Variants in PXK observed in about 807,000 individuals in gnomAD.
PXK encodes PX domain containing serine/threonine kinase like.
A neutral mutation model predicts 84.7 loss-of-function variants in PXK; 35 were observed. That is an observed-to-expected ratio of 0.41 (90% CI 0.32 to 0.55). The LOEUF is 0.55. PXK is among the 20% of genes least tolerant of loss of function. The probability of loss-of-function intolerance (pLI) is 0.21; values close to 1 mark genes in which losing one functional copy is unlikely to be tolerated. For missense variants in PXK, 634 were observed against 699.7 expected (o/e 0.91, Z 1.06); for synonymous variants, 253 against 260.8 (o/e 0.97, Z 0.29).
In PXK at chr3:58,405,678, C is replaced by CAA. The variant is rs58141128; in HGVS notation, c.1230+1781_1230+1782dup. Among the ~76,000 whole-genome samples the CAA allele has an allele frequency of 9.0e-3, 894 of 99,880 alleles. 14 individuals carry two copies. The highest frequency in any genetic ancestry group is 0.033 in the African/African-American group (723 of 22,130). The allele number at this position is 99,880 out of a possible 152,430, so 65.5% of individuals were successfully genotyped here. A position where few individuals can be genotyped will look rare whatever the true frequency, so the allele number is the denominator to read the frequency against. On this transcript the variant is annotated intron_variant, in intron 13 of 17. Transcript: ENST00000356151. ...TGGGCGACAGAGTGAGACTCTGTCT[C>CAA]AAAAAAAAAAAAAAGGAGAAATGAT...
chr3:58,378,538 G>T lies in PXK; in HGVS notation c.202-3976G>T, dbSNP rs868754251. ...TGTGTGTGTGTGTGTGTGTGTGTGT[G>T]TGTGTGTGTGTGTGTGACGAAGTTT... On this transcript the variant is annotated intron_variant, in intron 3 of 17. Transcript: ENST00000356151. Among the ~76,000 whole-genome samples the T allele has an allele frequency of 5.2e-4, 47 of 90,874 alleles. 1 individual carries two copies. The highest frequency in any genetic ancestry group is 1.5e-3 in the African/African-American group (38 of 25,902). 59.6% of individuals were successfully genotyped at this position (90,874 alleles called of 152,430 possible).
Position 58,414,584 on chromosome 3 carries a change from G to T in PXK, c.1528+1621G>T, listed in dbSNP as rs544361074. On this transcript the variant is annotated intron_variant, in intron 17 of 17. Transcript: ENST00000356151. The surrounding 1 kb of genome is among the most constrained non-coding windows in gnomAD (Gnocchi z 4.5). ...GGAAAACTTGGAGGTGAGTGGGAGGGGCATTCCTGTGAATTTGATAGCACC... is the reference window on the plus strand; with the variant it reads ...GGAAAACTTGGAGGTGAGTGGGAGGTGCATTCCTGTGAATTTGATAGCACC... The T allele has an allele frequency of 1.3e-5, 2 of 151,392 alleles. No homozygotes were observed. The highest frequency in any genetic ancestry group is 4.8e-5 in the African/African-American group (2 of 41,324). 9.4% of individuals were successfully genotyped at this position (151,392 alleles called of 1,614,324 possible).
At chr3:58,334,957 GTC>G (rs1284564020) in intron 1 of PXK, among the ~76,000 whole-genome samples, 1,349 of 119,412 alleles carry the variant, frequency 0.011, 12 homozygotes, top group Middle Eastern at 0.051. Context: ...GTGTGTGTGT[GTC>G]TGTGTGTGTG....
chr3:58,369,631 C>G (rs1048773652), intron 3 of PXK, among the ~76,000 whole-genome samples, 153 bp downstream of exon 3: 5 of 152,074 alleles, frequency 3.3e-5, no homozygotes, highest in African/African-American at 1.2e-4. Flanking sequence ...TTCAAGACCA[C>G]CTGACCAACA....
chr3:58,408,041 T>C (rs957859116), intron 13 of PXK, among the ~76,000 whole-genome samples: 1 of 152,208 alleles, frequency 6.6e-6, no homozygotes, highest in Non-Finnish European at 1.5e-5. Context: ...TTGAGTTAAT[T>C]TTTGTTTATG....
chr3:58,362,884 A>AT (rs1057030742), intron 1 of PXK, among the ~76,000 whole-genome samples: 3 of 151,882 alleles, frequency 2.0e-5, no homozygotes, highest in African/African-American at 7.3e-5. Context: ...CGGCTAATTA[A>AT]TTTTTTTATA....
chr3:58,363,805 G>A (rs2098228106), intron 1 of PXK, among the ~76,000 whole-genome samples: 1 of 152,150 alleles, frequency 6.6e-6, no homozygotes, highest in Admixed American at 6.5e-5. Context: ...AGAACACACT[G>A]CCTTGCCTTG....
chr3:58,346,255 A>G (rs1490929408), intron 1 of PXK, among the ~76,000 whole-genome samples: 1 of 152,176 alleles, frequency 6.6e-6, no homozygotes, highest in Non-Finnish European at 1.5e-5. Context: ...TGTGGCTCAT[A>G]AAAGTGGCAT....
intron 1 of PXK, among the ~76,000 whole-genome samples, chr3:58,336,774 G>C (rs1188362830): frequency 6.6e-6 from 1 of 152,160 alleles, no homozygotes; most frequent in Non-Finnish European, 1.5e-5. Flanking sequence ...TTTGCTGGTG[G>C]GTAGGCTGTG....
chr3:58,375,190 A>T (rs901763472), intron 3 of PXK, among the ~76,000 whole-genome samples: 3 of 152,204 alleles, frequency 2.0e-5, no homozygotes, highest in Non-Finnish European at 4.4e-5. Flanking sequence ...ATGATGTCAG[A>T]TGTGACTCCT....
chr3:58,334,282 T>C (rs1022760570), intron 1 of PXK, among the ~76,000 whole-genome samples: 4 of 152,156 alleles, frequency 2.6e-5, no homozygotes, highest in Non-Finnish European at 5.9e-5. Flanking sequence ...GTTAAGAAAA[T>C]TATTATCTTT....
chr3:58,366,942 G>A (rs1413586428), intron 2 of PXK, among the ~76,000 whole-genome samples: 1 of 152,062 alleles, frequency 6.6e-6, no homozygotes, highest in Non-Finnish European at 1.5e-5. Context: ...CTCTTATCAG[G>A]GATGACCTTA....
chr3:58,409,759 T>G lies in PXK; in HGVS notation c.1395+141T>G. 1 of 657,048 alleles carries G rather than the reference T, an allele frequency of 1.5e-6. No homozygotes were observed. Among genetic ancestry groups the G allele is most frequent in the Non-Finnish European group, 2.4e-6 (1 of 423,832 alleles). 40.7% of individuals were successfully genotyped at this position (657,048 alleles called of 1,614,324 possible). A position where few individuals can be genotyped will look rare whatever the true frequency, so the allele number is the denominator to read the frequency against. ...TAAGACTATTTCCAGATGACTGGGGTGCAGTTTTTTTGGGGAAAAAAAAAG... is the reference window on the plus strand; with the variant it reads ...TAAGACTATTTCCAGATGACTGGGGGGCAGTTTTTTTGGGGAAAAAAAAAG... On this transcript the variant is annotated intron_variant, in intron 15 of 17. Transcript: ENST00000356151. This position sits in a 1 kb window ranked among gnomAD's most constrained non-coding sequence, Gnocchi z 4.2.
chr3:58,352,709 G>C (rs1395880456), intron 1 of PXK, among the ~76,000 whole-genome samples: 1 of 152,156 alleles, frequency 6.6e-6, no homozygotes, highest in African/African-American at 2.4e-5. Context: ...TTAAAAAGCT[G>C]TATCCATTCT....
intron 17 of PXK, chr3:58,423,164 TC>T: frequency 1.0e-6 from 1 of 985,150 alleles, no homozygotes; most frequent in Non-Finnish European, 1.2e-6. Context: ...TCTCCAGAAG[TC>T]CTCTTCAGAG....
intron 17 of PXK, chr3:58,420,694 C>A: frequency 6.7e-7 from 1 of 1,492,990 alleles, no homozygotes; most frequent in South Asian, 1.3e-5. Flanking sequence ...AGACTATTTC[C>A]TTATCTGAAT....
Position 58,397,727 on chromosome 3 carries a change from G to C in PXK, c.1102+5G>C. The C allele has an allele frequency of 6.2e-7, 1 of 1,607,986 alleles. No homozygotes were observed. Among genetic ancestry groups the C allele is most frequent in the Non-Finnish European group, 8.5e-7 (1 of 1,174,498 alleles). ...CTGCCCCGTCCATGGCTGTGGGTCA[G>C]TATGGGGTTGGGAAGGGTCTTCTGG... On this transcript the variant is annotated splice_donor_5th_base_variant and intron_variant, in intron 11 of 17. Transcript: ENST00000356151. The surrounding 1 kb of genome is among the most constrained non-coding windows in gnomAD (Gnocchi z 4.7).
At chr3:58,358,889 A>G (rs1256215146) in intron 1 of PXK, among the ~76,000 whole-genome samples, 1 of 152,184 alleles carries the variant, frequency 6.6e-6, no homozygotes, top group African/African-American at 2.4e-5. Context: ...TGCTTCCCAT[A>G]TGCCAAATGC....
chr3:58,373,087 T>TC (rs1255260238), intron 3 of PXK, among the ~76,000 whole-genome samples: 2 of 150,804 alleles, frequency 1.3e-5, no homozygotes, highest in African/African-American at 2.4e-5. Flanking sequence ...TCATTTCTTT[T>TC]TTTTTTTTTT....
Sources: gnomAD v4.1 joint callset for allele counts (sites outside exome capture counted in the v4.1 genomes callset) on GRCh38, gnomAD v4.1.1 for gene constraint, Gnocchi (gnomAD v3.1) non-coding constraint, MANE v1.5 for transcripts, NCBI Gene and HGNC (gene_info 2026-07-23, HGNC 2026-07-21) for gene names.